Variants in DPYD observed in about 807,000 individuals in gnomAD.
DPYD encodes dihydropyrimidine dehydrogenase [NADP(+)].
A neutral mutation model predicts 116.2 loss-of-function variants in DPYD; 109 were observed. The ratio of observed to expected loss-of-function variants is 0.94; its 90% CI spans 0.80 to 1.10. The LOEUF is 1.10. Ranked by LOEUF, DPYD falls within the 50% of genes least tolerant of loss-of-function variation. The probability of loss-of-function intolerance (pLI) is 0.00; values close to 1 mark genes in which losing one functional copy is unlikely to be tolerated. For missense variants in DPYD, 1,302 were observed against 1,254.5 expected, an observed-to-expected ratio of 1.04 and a Z score of -0.57; for synonymous variants, 440 against 432.0, an observed-to-expected ratio of 1.02 and a Z score of -0.23.
At chr1:97,323,947 C>T (rs183723621) in intron 16 of DPYD, among the ~76,000 whole-genome samples, 2 of 151,822 alleles carry the variant, frequency 1.3e-5, no homozygotes, top group East Asian at 3.9e-4. Flanking sequence ...ACCAAAAAAC[C>T]AGTACATGAT....
chr1:97,270,033 GT>G (rs1280750307), intron 18 of DPYD, among the ~76,000 whole-genome samples: 1 of 152,060 alleles, frequency 6.6e-6, no homozygotes, highest in Non-Finnish European at 1.5e-5. Context: ...CATATTTCAG[GT>G]GCTTTTCGGA....
At position 97,545,674 on chromosome 1, in the gene DPYD, A is replaced by G. The variant is rs1040366324; in HGVS notation, c.1524+3886T>C. 7.1e-6 allele frequency: 5 copies of G among 702,314 alleles called. 1 individual carries two copies. In the East Asian group the frequency reaches 7.9e-5, roughly 11 times the overall value. 43.5% of individuals were successfully genotyped at this position (702,314 alleles called of 1,614,324 possible). ...ATTAGAGAGTTACACAGCAGGAGGT[A>G]AGATTAAAAACTGTGAAACTAAAAA... is the stretch of plus-strand genomic sequence containing the variant. On this transcript the variant is annotated intron_variant, in intron 12 of 22. Transcript: ENST00000370192.
intron 19 of DPYD, among the ~76,000 whole-genome samples, chr1:97,233,374 C>T (rs79074349): frequency 0.025 from 3,735 of 152,086 alleles, 156 homozygotes; most frequent in African/African-American, 0.085. Context: ...GGGGGGAGGA[C>T]GGACACCTCA....
Position 97,719,848 on chromosome 1 carries a change from C to T in DPYD, c.483+1662G>A, listed in dbSNP as rs1203130937. The T allele has an allele frequency of 1.0e-5, 10 of 984,908 alleles. No individual in the cohort carries two copies. In the Middle Eastern group the frequency reaches 1.6e-3, roughly 155 times the overall value. The allele number at this position is 984,908 out of a possible 1,614,324, so 61.0% of individuals were successfully genotyped here. Reference sequence around the variant, plus strand: ...ATAATTGGAATGAAATAAGCAGATACATTCCTATTCTAAATTCCTTGATTC... The same window carrying T: ...ATAATTGGAATGAAATAAGCAGATATATTCCTATTCTAAATTCCTTGATTC... On this transcript the variant is annotated intron_variant, in intron 5 of 22. Transcript: ENST00000370192.
chr1:97,390,918 A>G (rs1008626017), intron 14 of DPYD, among the ~76,000 whole-genome samples: 3 of 151,874 alleles, frequency 2.0e-5, no homozygotes, highest in African/African-American at 7.2e-5. Context: ...CAGTGACCTC[A>G]CCAAATATAT....
At chr1:97,393,196 T>C (rs186232859) in intron 14 of DPYD, among the ~76,000 whole-genome samples, 13 of 152,158 alleles carry the variant, frequency 8.5e-5, no homozygotes, top group Admixed American at 5.9e-4. Context: ...CTAATCTTAA[T>C]CATTTCTAGC....
intron 19 of DPYD, among the ~76,000 whole-genome samples, chr1:97,199,219 G>A (rs1659030322): frequency 6.6e-6 from 1 of 152,096 alleles, no homozygotes; most frequent in African/African-American, 2.4e-5. Context: ...GTCAGGAGAG[G>A]GAGTAATATT....
chr1:97,284,376 T>C (rs1665524074), intron 18 of DPYD, among the ~76,000 whole-genome samples: 2 of 152,146 alleles, frequency 1.3e-5, no homozygotes, highest in African/African-American at 4.8e-5. Context: ...CAGAAAGTGA[T>C]ACTGAAATTT....
At chr1:97,787,769 G>A (rs1027918912) in intron 3 of DPYD, among the ~76,000 whole-genome samples, 2 of 152,152 alleles carry the variant, frequency 1.3e-5, no homozygotes, top group African/African-American at 4.8e-5. Flanking sequence ...TCTGAAAAGA[G>A]GTGAAGATAT....
rs111302030 is a variant in DPYD, at chr1:97,766,250, T to A, written c.234-25771A>T. 6.7e-3 allele frequency among the ~76,000 whole-genome samples: 1,024 copies of A among 151,984 alleles called. 15 individuals are homozygous for A. Among genetic ancestry groups the A allele is most frequent in the African/African-American group, 0.023 (958 of 41,470 alleles). On this transcript the variant is annotated intron_variant, in intron 3 of 22. Coordinates refer to ENST00000370192, the MANE Select transcript of DPYD (RefSeq NM_000110.4). Reference sequence around the variant, plus strand: ...GAGAGAAACTCAGTCTCAAAAAAAATAAATAAATAACTGTTGCCTGTGGTA... The same window carrying A: ...GAGAGAAACTCAGTCTCAAAAAAAAAAAATAAATAACTGTTGCCTGTGGTA...
At chr1:97,496,214 G>A (rs1042568253) in intron 13 of DPYD, among the ~76,000 whole-genome samples, 8 of 151,856 alleles carry the variant, frequency 5.3e-5, no homozygotes, top group South Asian at 2.1e-4. Context: ...TGTCAAATAC[G>A]TTCACTTTGC....
chr1:97,775,568 C>T (rs1666352073), intron 3 of DPYD, among the ~76,000 whole-genome samples: 1 of 152,072 alleles, frequency 6.6e-6, no homozygotes, highest in African/African-American at 2.4e-5. Context: ...ACTTATTTAA[C>T]TTTCTCTTTG....
Position 97,341,232 on chromosome 1 carries a change from T to C in DPYD, c.2058+32329A>G, listed in dbSNP as rs376612525. Among the ~76,000 whole-genome samples, 87 of 152,252 alleles carry C rather than the reference T, an allele frequency of 5.7e-4. 1 individual carries two copies. The South Asian group carries it at 0.017, about 30-fold the overall frequency. On this transcript the variant is annotated intron_variant, in intron 16 of 22. Transcript: ENST00000370192. ...CAAAAGGAGCTGATTAACACAGGGT[T>C]CTCTCTTTTTCTCTCCCTCTGTCTC...
At chr1:97,721,035 T>A in intron 5 of DPYD, 1 of 1,424,498 alleles carries the variant, frequency 7.0e-7, no homozygotes, top group Non-Finnish European at 9.5e-7. Context: ...CTAATGACAT[T>A]ATTAATGTGG....
chr1:97,502,078 G>A (rs544608943), intron 13 of DPYD, among the ~76,000 whole-genome samples: 27 of 151,894 alleles, frequency 1.8e-4, no homozygotes, highest in South Asian at 4.1e-4. Flanking sequence ...ATCCTTTATC[G>A]CTTTTCTTTC....
intron 20 of DPYD, among the ~76,000 whole-genome samples, chr1:97,171,127 T>C (rs1447676086): frequency 6.6e-6 from 1 of 152,120 alleles, no homozygotes; most frequent in African/African-American, 2.4e-5. Context: ...TAATATAACA[T>C]ACATGGGCAG....
At chr1:97,389,278 C>T (rs1340934196) in intron 14 of DPYD, among the ~76,000 whole-genome samples, 2 of 145,108 alleles carry the variant, frequency 1.4e-5, no homozygotes, top group Admixed American at 7.0e-5. Flanking sequence ...CTCTGCACTA[C>T]AGCCTGGGCG....
intron 12 of DPYD, among the ~76,000 whole-genome samples, chr1:97,530,763 A>G (rs898591500): frequency 2.6e-5 from 4 of 152,152 alleles, no homozygotes; most frequent in African/African-American, 9.7e-5. Flanking sequence ...AAGGGTTTCA[A>G]TTTCTCCACA....
At chr1:97,472,113 T>A (rs1407333762) in intron 13 of DPYD, among the ~76,000 whole-genome samples, 1 of 152,202 alleles carries the variant, frequency 6.6e-6, no homozygotes, top group East Asian at 1.9e-4. Flanking sequence ...AGAGGGAGTT[T>A]AAATTTTTCT....
Sources: allele counts gnomAD v4.1 joint callset (sites outside exome capture counted in the v4.1 genomes callset), GRCh38; gene constraint gnomAD v4.1.1; transcripts MANE v1.5; gene names NCBI Gene and HGNC (gene_info 2026-07-23, HGNC 2026-07-21).